Variants in TMEM132D observed in about 807,000 individuals in gnomAD.
The protein encoded by TMEM132D is transmembrane protein 132D, also known as mature OL transmembrane protein.
Under a neutral mutation model 62.3 loss-of-function variants are expected in TMEM132D, and 21 were observed. The ratio of observed to expected loss-of-function variants is 0.34; its 90% confidence interval spans 0.24 to 0.49. The LOEUF (loss-of-function observed/expected upper bound fraction) is 0.49. Ranked by LOEUF, TMEM132D falls within the 20% of genes least tolerant of loss-of-function variation. TMEM132D has a pLI of 0.99. For missense variants in TMEM132D, 1,346 were observed against 1,402.8 expected (o/e 0.96, Z 0.65); for synonymous variants, 621 against 575.6 (o/e 1.08, Z -1.13).
intron 5 of TMEM132D, among the ~76,000 whole-genome samples, chr12:129,115,164 C>T (rs1365947267): frequency 6.6e-6 from 1 of 152,214 alleles, no homozygotes; most frequent in Non-Finnish European, 1.5e-5. Flanking sequence ...CTACCAGTGA[C>T]ATCTCATGTC....
intron 3 of TMEM132D, among the ~76,000 whole-genome samples, chr12:129,430,960 G>T (rs7136224): frequency 6.6e-6 from 1 of 152,060 alleles, no homozygotes; most frequent in South Asian, 2.1e-4. Flanking sequence ...GCTTCCAGGC[G>T]CATGCCTGAT....
At chr12:129,288,980 G>T (rs1199632500) in intron 4 of TMEM132D, among the ~76,000 whole-genome samples, 1 of 152,162 alleles carries the variant, frequency 6.6e-6, no homozygotes, top group Non-Finnish European at 1.5e-5. Flanking sequence ...GCCAGTCACA[G>T]AAGGACAAAT....
At chr12:129,487,936 C>CAAAAA (rs58079383) in intron 3 of TMEM132D, among the ~76,000 whole-genome samples, 2 of 54,694 alleles carry the variant, frequency 3.7e-5, no homozygotes, top group Non-Finnish European at 6.4e-5. Flanking sequence ...GACTCCATCT[C>CAAAAA]AAAAAAAAAA....
chr12:129,324,500 G>T (rs3861078), intron 4 of TMEM132D, among the ~76,000 whole-genome samples: 1 of 152,068 alleles, frequency 6.6e-6, no homozygotes, highest in Non-Finnish European at 1.5e-5. Flanking sequence ...GACATTCAAC[G>T]TTACTTTTAC....
intron 5 of TMEM132D, among the ~76,000 whole-genome samples, chr12:129,152,774 T>C (rs1383471076): frequency 6.6e-6 from 1 of 152,204 alleles, no homozygotes; most frequent in Non-Finnish European, 1.5e-5. Context: ...TTTCTCTCCC[T>C]TCCCCTGCTC....
rs1874113098 is a variant in TMEM132D at position 129,072,698 on chromosome 12, C to G, written c.*1177G>C. ...AACCCCCCCAACTCCACACGCCCTG[C>G]ACGTTCCACACAGGCACCCCGATTT... On this transcript the variant is annotated 3_prime_UTR_variant, in exon 9 of 9. Transcript: ENST00000422113. 1 of 152,552 alleles carries G rather than the reference C, an allele frequency of 6.6e-6. No homozygotes were observed. Among genetic ancestry groups the G allele is most frequent in the African/African-American group, 2.4e-5 (1 of 41,442 alleles). 9.4% of individuals were successfully genotyped at this position (152,552 alleles called of 1,614,324 possible).
chr12:129,697,375 G>T (rs1257011718), intron 2 of TMEM132D, among the ~76,000 whole-genome samples: 1 of 152,028 alleles, frequency 6.6e-6, no homozygotes, highest in Non-Finnish European at 1.5e-5. Context: ...CTAATTATAG[G>T]GATTCAAGCT....
intron 3 of TMEM132D, among the ~76,000 whole-genome samples, chr12:129,346,065 T>C (rs1287346969): frequency 1.3e-5 from 2 of 152,124 alleles, no homozygotes; most frequent in Admixed American, 1.3e-4. Context: ...ATCCATCTGG[T>C]CCTGGGCTTT....
intron 1 of TMEM132D, among the ~76,000 whole-genome samples, chr12:129,819,227 A>ACCCC (rs1565997059): frequency 7.0e-6 from 1 of 143,282 alleles, no homozygotes. Flanking sequence ...CCTTCTACCT[A>ACCCC]CCCCACAGTG....
At position 129,249,255 on chromosome 12, in the gene TMEM132D, T is replaced by C. The variant is rs146216424; in HGVS notation, c.1300-39592A>G. On this transcript the variant is annotated intron_variant, in intron 4 of 8. Coordinates refer to ENST00000422113, the MANE Select transcript of TMEM132D (RefSeq NM_133448.3). ...TAAATTTAAAAAATCATGTTTACAA[T>C]TGGCACTTCCTACAGATACCCTAAG... 8.5e-3 allele frequency among the ~76,000 whole-genome samples: 1,300 copies of C among 152,354 alleles called. 2 individuals are homozygous for C. The highest frequency in any genetic ancestry group is 0.019 in the African/African-American group (780 of 41,588).
At chr12:129,147,428 C>G (rs1876944036) in intron 5 of TMEM132D, among the ~76,000 whole-genome samples, 1 of 151,914 alleles carries the variant, frequency 6.6e-6, no homozygotes, top group South Asian at 2.1e-4. Context: ...TATGTAAGTA[C>G]ACACTCTTGC....
At chr12:129,621,313 CT>C (rs1879060716) in intron 2 of TMEM132D, among the ~76,000 whole-genome samples, 1 of 152,148 alleles carries the variant, frequency 6.6e-6, no homozygotes, top group Non-Finnish European at 1.5e-5. Flanking sequence ...CAGCACCCGA[CT>C]GTCCCCACCT....
intron 3 of TMEM132D, among the ~76,000 whole-genome samples, chr12:129,467,579 G>A (rs1183773128): frequency 1.3e-5 from 2 of 152,196 alleles, no homozygotes; most frequent in Admixed American, 6.5e-5. Context: ...GATTAAAAGG[G>A]AGGAGGCTCC....
intron 3 of TMEM132D, among the ~76,000 whole-genome samples, chr12:129,467,645 G>C (rs544746120): frequency 7.4e-4 from 112 of 152,280 alleles, no homozygotes; most frequent in African/African-American, 2.6e-3. Context: ...GACATGCCAA[G>C]GTCAAGTCAT....
chr12:129,366,998 T>C (rs1870435279), intron 3 of TMEM132D, among the ~76,000 whole-genome samples: 1 of 152,140 alleles, frequency 6.6e-6, no homozygotes, highest in Non-Finnish European at 1.5e-5. Flanking sequence ...AAGACAAGGA[T>C]CTTCAGCCTC....
intron 5 of TMEM132D, among the ~76,000 whole-genome samples, chr12:129,206,025 T>C (rs1328550144): frequency 6.6e-6 from 1 of 152,166 alleles, no homozygotes; most frequent in Non-Finnish European, 1.5e-5. Flanking sequence ...AGAAATACCA[T>C]TCTGGACACA....
intron 2 of TMEM132D, among the ~76,000 whole-genome samples, chr12:129,588,744 TTTTC>T (rs547550284): frequency 0.4 from 22,547 of 56,152 alleles, 1,998 homozygotes; most frequent in South Asian, 0.52. Flanking sequence ...CCAGCTATTT[TTTTC>T]TTTTTTTTTT....
rs372894736 is a variant in TMEM132D at position 129,602,464 on chromosome 12, G to GA, written c.969-71260dup. On this transcript the variant is annotated intron_variant, in intron 2 of 8. Transcript: ENST00000422113. ...GTAATATGCAAAGTAAGAGAAAAGA[G>GA]AAAAAAAAAACTGAAAAGTAGATAA... 7.5e-4 allele frequency among the ~76,000 whole-genome samples: 109 copies of GA among 144,964 alleles called. 1 individual carries two copies. The highest frequency in any genetic ancestry group is 3.5e-3 in the Middle Eastern group (1 of 286).
intron 5 of TMEM132D, among the ~76,000 whole-genome samples, chr12:129,118,208 C>T (rs1178396131): frequency 6.6e-6 from 1 of 152,190 alleles, no homozygotes; most frequent in Non-Finnish European, 1.5e-5. Flanking sequence ...GAAGTCGAAC[C>T]TTCAAAACCA....
Sources: gnomAD v4.1 joint callset for allele counts (sites outside exome capture counted in the v4.1 genomes callset) on GRCh38, gnomAD v4.1.1 for gene constraint, MANE v1.5 for transcripts, NCBI Gene and HGNC (gene_info 2026-07-23, HGNC 2026-07-21) for gene names.